The following SPC25 variants were observed in gnomAD, a reference collection of about 807,000 sequenced individuals.
The protein encoded by SPC25 is SPC25 component of NDC80 kinetochore complex.
A neutral mutation model predicts 29.6 loss-of-function variants in SPC25; 22 were observed. That is an observed-to-expected ratio of 0.74 (90% CI 0.53 to 1.06). The LOEUF (loss-of-function observed/expected upper bound fraction) is 1.06, where lower values mean the gene tolerates loss of function less well. SPC25 is among the 50% of genes least tolerant of loss of function. SPC25 has a pLI of 0.00. For synonymous variants in SPC25, 91 were observed against 90.4 expected, an observed-to-expected ratio of 1.01 and a Z score of -0.04; for missense variants, 230 against 255.8, an observed-to-expected ratio of 0.90 and a Z score of 0.69.
chr2:168,866,278 G>C (rs1408891570), downstream of SPC25, among the ~76,000 whole-genome samples: 1 of 152,300 alleles, frequency 6.6e-6, no homozygotes, highest in Non-Finnish European at 1.5e-5. Context: ...AACGGAGATA[G>C]ATATAGACCA....
chr2:168,886,555 T>C (rs1487201778), intron 3 of SPC25, among the ~76,000 whole-genome samples: 1 of 151,892 alleles, frequency 6.6e-6, no homozygotes, highest in Non-Finnish European at 1.5e-5. Context: ...AGTCTTGCTC[T>C]GTCGCCCAGG....
chr2:168,882,175 T>C (rs181582349), intron 3 of SPC25, among the ~76,000 whole-genome samples: 1 of 152,400 alleles, frequency 6.6e-6, no homozygotes, highest in Non-Finnish European at 1.5e-5. Context: ...ATCAAATCAA[T>C]GTTCAAGAGG....
intron 4 of SPC25, chr2:168,865,163 G>C (rs1281548385): frequency 1.1e-5 from 7 of 617,246 alleles, no homozygotes; most frequent in Non-Finnish European, 1.9e-5. Flanking sequence ...GGTGGAGACA[G>C]ACAAGGAAGA....
chr2:168,866,431 A>T, downstream of SPC25, among the ~76,000 whole-genome samples: 1 of 152,290 alleles, frequency 6.6e-6, no homozygotes. Flanking sequence ...CATATGTAGA[A>T]AGCTGAAACT....
rs1012040227 is a variant in SPC25 at position 168,876,234 on chromosome 2, CTGAGT to C, written c.347-63_347-59del. The C allele has an allele frequency of 1.3e-5, 15 of 1,180,406 alleles. No homozygotes were observed. In the Admixed American group the frequency reaches 2.1e-4, roughly 17 times the overall value. 73.1% of individuals were successfully genotyped at this position (1,180,406 alleles called of 1,614,324 possible). On this transcript the variant is annotated intron_variant, in intron 4 of 6. Coordinates refer to ENST00000282074, the MANE Select transcript of SPC25 (RefSeq NM_020675.4). ...TTAAATAATAGCAAATTAATGCTCA[CTGAGT>C]TAATTTTTTAAACTTAAAATCAACT...
chr2:168,880,414 T>C (rs377534713), intron 3 of SPC25, among the ~76,000 whole-genome samples: 110 of 152,362 alleles, frequency 7.2e-4, no homozygotes, highest in African/African-American at 2.6e-3. Flanking sequence ...CTTCTGAAAC[T>C]TCCTCATCTT....
intron 3 of SPC25, among the ~76,000 whole-genome samples, chr2:168,878,201 T>C (rs1690121169): frequency 6.6e-6 from 1 of 152,234 alleles, no homozygotes; most frequent in Admixed American, 6.5e-5. Flanking sequence ...CCCACAACTA[T>C]ATAAACTAAT....
chr2:168,862,033 G>C, intron 4 of SPC25: 1 of 1,614,116 alleles, frequency 6.2e-7, no homozygotes, highest in Non-Finnish European at 8.5e-7. Context: ...AAGATGATGA[G>C]TTGAATTTGG....
intron 4 of SPC25, chr2:168,864,695 T>G: frequency 1.2e-6 from 1 of 844,252 alleles, no homozygotes; most frequent in Non-Finnish European, 1.9e-6. Context: ...TCGATACATT[T>G]GGCTTCATCT....
chr2:168,881,496 G>A (rs1690177440), intron 3 of SPC25, among the ~76,000 whole-genome samples: 1 of 152,162 alleles, frequency 6.6e-6, no homozygotes, highest in Admixed American at 6.5e-5. Context: ...CCAATCAGGG[G>A]GCTAGACAAA....
At chr2:168,868,427 T>G (rs1179674876), downstream of SPC25, among the ~76,000 whole-genome samples, 1 of 152,052 alleles carries the variant, frequency 6.6e-6, no homozygotes, top group East Asian at 1.9e-4. Context: ...GCTGGCTTTT[T>G]GAAAAGATCA....
chr2:168,867,039 A>T (rs1196436926), downstream of SPC25, among the ~76,000 whole-genome samples: 1 of 152,204 alleles, frequency 6.6e-6, no homozygotes, highest in African/African-American at 2.4e-5. Flanking sequence ...ACTGTAAACT[A>T]GTTCAACCAT....
At chr2:168,882,173 A>C (rs1233610156) in intron 3 of SPC25, among the ~76,000 whole-genome samples, 2 of 152,264 alleles carry the variant, frequency 1.3e-5, no homozygotes, top group African/African-American at 4.8e-5. Flanking sequence ...ATATCAAATC[A>C]ATGTTCAAGA....
chr2:168,869,160 T>G (rs1287571312), downstream of SPC25, among the ~76,000 whole-genome samples: 2 of 152,266 alleles, frequency 1.3e-5, no homozygotes, highest in Non-Finnish European at 2.9e-5. Flanking sequence ...TCAACAACCC[T>G]TCATGCTAAA....
rs1221825706 is a variant in SPC25, at chr2:168,888,953, G to GTATA, written c.199+272_199+273insTATA. Among the ~76,000 whole-genome samples, 152 of 61,574 alleles carry GTATA rather than the reference G, an allele frequency of 2.5e-3. 11 individuals carry two copies. In the East Asian group the frequency reaches 0.042, roughly 17 times the overall value. The allele number at this position is 61,574 out of a possible 152,430, so 40.4% of individuals were successfully genotyped here. ...TGTGTGTGTGTGTGTGTGTGTGTGT[G>GTATA]TGTGTATATATATATATATACACAC... On this transcript the variant is annotated intron_variant, in intron 3 of 6. Coordinates refer to ENST00000282074, the MANE Select transcript of SPC25 (RefSeq NM_020675.4).
At chr2:168,861,617 A>G (rs1276301080) in intron 4 of SPC25, among the ~76,000 whole-genome samples, 2 of 152,228 alleles carry the variant, frequency 1.3e-5, no homozygotes, top group Non-Finnish European at 2.9e-5. Flanking sequence ...ACATGCCCCA[A>G]ATATCCCGTA....
chr2:168,885,926 A>G (rs1487505582), intron 3 of SPC25, among the ~76,000 whole-genome samples: 1 of 152,186 alleles, frequency 6.6e-6, no homozygotes, highest in Non-Finnish European at 1.5e-5. Context: ...AACAGGGCTT[A>G]GCACATGGTA....
At chr2:168,864,958 T>A in intron 4 of SPC25, 2 of 1,614,010 alleles carry the variant, frequency 1.2e-6, no homozygotes, top group East Asian at 2.2e-5. Context: ...GCAACACAGC[T>A]ACAAAGGCAT....
At chr2:168,872,220 T>TGCCTCC (rs1690005518) in intron 6 of SPC25, among the ~76,000 whole-genome samples, 1 of 152,132 alleles carries the variant, frequency 6.6e-6, no homozygotes, top group African/African-American at 2.4e-5. Context: ...CGCCTGCCTC[T>TGCCTCC]GCCTCCCAAA....
Sources: gnomAD v4.1 joint callset for allele counts (sites outside exome capture counted in the v4.1 genomes callset) on GRCh38, gnomAD v4.1.1 for gene constraint, MANE v1.5 for transcripts, NCBI Gene and HGNC (gene_info 2026-07-23, HGNC 2026-07-21) for gene names.